The following ASXL1 variants were observed in gnomAD, a reference collection of about 807,000 sequenced individuals.
The protein encoded by ASXL1 is ASXL transcriptional regulator 1.
Under a neutral mutation model 89.1 loss-of-function variants are expected in ASXL1, and 65 were observed. The ratio of observed to expected loss-of-function variants is 0.73; its 90% CI spans 0.60 to 0.90. The LOEUF is 0.90. Ranked by LOEUF, ASXL1 falls within the 40% of genes least tolerant of loss-of-function variation. The pLI, the probability that ASXL1 is intolerant of heterozygous loss-of-function variation, is 0.00. For missense variants in ASXL1, 1,786 were observed against 1,942.9 expected, an observed-to-expected ratio of 0.92 and a Z score of 1.52; for synonymous variants, 739 against 746.9, an observed-to-expected ratio of 0.99 and a Z score of 0.17.
intron 4 of ASXL1, among the ~76,000 whole-genome samples, chr20:32,411,536 CTTT>C (rs749530241): frequency 0.028 from 3,431 of 123,816 alleles, 63 homozygotes; most frequent in Non-Finnish European, 0.043. Flanking sequence ...CCATGGATTC[CTTT>C]TTTTTTTTTT....
intron 4 of ASXL1, among the ~76,000 whole-genome samples, chr20:32,419,784 A>G (rs2049207743): frequency 1.3e-5 from 2 of 151,434 alleles, no homozygotes; most frequent in Middle Eastern, 6.8e-3. Context: ...CATTCAGGCA[A>G]TTCTCCTGCC....
At chr20:32,391,235 A>C (rs185517747) in intron 4 of ASXL1, among the ~76,000 whole-genome samples, 3 of 152,078 alleles carry the variant, frequency 2.0e-5, no homozygotes, top group Admixed American at 6.6e-5. Flanking sequence ...CATTGTATAG[A>C]TGTACCACAT....
intron 4 of ASXL1, among the ~76,000 whole-genome samples, chr20:32,383,271 C>T (rs540288429): frequency 1.3e-5 from 2 of 151,250 alleles, no homozygotes; most frequent in African/African-American, 4.8e-5. Flanking sequence ...AGTTTTTGTA[C>T]TCTCCATTAT....
chr20:32,374,124 C>G (rs1448886424), intron 4 of ASXL1, among the ~76,000 whole-genome samples: 1 of 151,988 alleles, frequency 6.6e-6, no homozygotes, highest in Non-Finnish European at 1.5e-5. Context: ...GCAATCCTTC[C>G]AGCTTCCCTA....
chr20:32,376,646 T>A (rs2048382847), intron 4 of ASXL1, among the ~76,000 whole-genome samples: 1 of 151,984 alleles, frequency 6.6e-6, no homozygotes, highest in Non-Finnish European at 1.5e-5. Flanking sequence ...TGAAATCTTT[T>A]GGCATTTTCT....
At chr20:32,405,229 C>T (rs1016004167) in intron 4 of ASXL1, among the ~76,000 whole-genome samples, 7 of 152,138 alleles carry the variant, frequency 4.6e-5, no homozygotes, top group Non-Finnish European at 8.8e-5. Flanking sequence ...CCTCCTGCCT[C>T]AGCCTCCTGA....
chr20:32,422,106 C>G (rs1222941220), intron 4 of ASXL1, among the ~76,000 whole-genome samples: 2 of 148,476 alleles, frequency 1.3e-5, no homozygotes, highest in African/African-American at 2.5e-5. Context: ...GTCTCGATCT[C>G]CTGACCTCGT....
intron 4 of ASXL1, among the ~76,000 whole-genome samples, chr20:32,395,498 C>T (rs1410003173): frequency 1.3e-5 from 2 of 152,014 alleles, no homozygotes; most frequent in Admixed American, 6.6e-5. Context: ...TTGTAGTTTG[C>T]GTCATATTTC....
rs2145388484 is a variant in ASXL1 at position 32,436,563 on chromosome 20, C to T, written c.3851C>T (p.Pro1284Leu). The T allele has an allele frequency of 6.2e-7, 1 of 1,614,190 alleles. No individual in the cohort carries two copies. ...FSSPNVISFG[P>L]EQTGRALGDQ... ...TCTCCAAATGTGATCTCCTTTGGTC[C>T]AGAGCAGACAGGTCGGGCCCTGGGT... The change falls in exon 13 of 13, where the codon CCA (proline) becomes CTA (leucine). Residue 1284 changes from proline (P) to leucine (L), a missense_variant. By Grantham distance (98) the Pro-to-Leu change is moderately conservative (BLOSUM62 -3). Around this residue, in one of 3 missense-constraint regions of ASXL1, gnomAD observed 1,418 missense variants for 1,427.8 expected, o/e 0.99. Transcript: ENST00000375687.
intron 4 of ASXL1, among the ~76,000 whole-genome samples, chr20:32,399,004 G>A (rs1296804775): frequency 2.0e-5 from 3 of 151,846 alleles, no homozygotes; most frequent in South Asian, 2.1e-4. Flanking sequence ...TTGGGAGGCC[G>A]AGTTGGCCCA....
At chr20:32,430,863 C>T (rs1379330755) in intron 8 of ASXL1, 1 of 392,008 alleles carries the variant, frequency 2.6e-6, no homozygotes, top group African/African-American at 2.0e-5. Flanking sequence ...TGGCTTTGAA[C>T]AGTCCTTAGT....
At position 32,434,791 on chromosome 20, in the gene ASXL1, A is replaced by AAC; in HGVS notation, c.2083_2084dup (p.Gln695HisfsTer9). On this transcript the variant is annotated frameshift_variant, in exon 13 of 13. Coordinates refer to ENST00000375687, the MANE Select transcript of ASXL1 (RefSeq NM_015338.6). LOFTEE classifies it low-confidence loss of function (END_TRUNC). ...GAAAGTGTACGTCAGATCTACAGCG[A>AAC]ACACAACTACTGCCGCCTTATCCTC... 6.2e-7 allele frequency: 1 copy of AAC among 1,613,932 alleles called. No homozygotes were observed. The highest frequency in any genetic ancestry group is 8.5e-7 in the Non-Finnish European group (1 of 1,180,024).
chr20:32,362,774 T>C (rs1379320359), intron 1 of ASXL1, among the ~76,000 whole-genome samples: 1 of 152,254 alleles, frequency 6.6e-6, no homozygotes, highest in Non-Finnish European at 1.5e-5. Context: ...AAATAGTCTT[T>C]CTTTCACACA....
intron 4 of ASXL1, among the ~76,000 whole-genome samples, chr20:32,383,558 C>T (rs568007773): frequency 4.6e-5 from 7 of 152,254 alleles, no homozygotes; most frequent in African/African-American, 1.4e-4. Context: ...CCTCCCGCCT[C>T]GGCCTCCCAC....
intron 4 of ASXL1, among the ~76,000 whole-genome samples, chr20:32,404,894 A>C (rs536304130): frequency 6.6e-6 from 1 of 152,270 alleles, no homozygotes; most frequent in South Asian, 2.1e-4. Flanking sequence ...ATAAATAATT[A>C]TGCTTTCTTT....
intron 11 of ASXL1, 118 bp downstream of exon 11, chr20:32,433,103 G>C: frequency 5.2e-6 from 8 of 1,544,662 alleles, no homozygotes; most frequent in Non-Finnish European, 7.0e-6. Flanking sequence ...AGTGACACTT[G>C]GGTCATTTAT....
intron 6 of ASXL1, chr20:32,428,649 ATTCTT>A: frequency 2.3e-5 from 4 of 176,802 alleles, no homozygotes; most frequent in South Asian, 1.6e-4. Flanking sequence ...GATTTTGTTC[ATTCTT>A]TTTTTTTTTT....
chr20:32,395,074 G>A (rs2123015954), intron 4 of ASXL1, among the ~76,000 whole-genome samples: 1 of 152,276 alleles, frequency 6.6e-6, no homozygotes. Context: ...CATTTCTGGT[G>A]TTCTTTATTG....
At chr20:32,421,243 A>G (rs995627395) in intron 4 of ASXL1, among the ~76,000 whole-genome samples, 2 of 151,914 alleles carry the variant, frequency 1.3e-5, no homozygotes, top group Non-Finnish European at 2.9e-5. Flanking sequence ...AATTTAAAAA[A>G]AAAAAAACTT....
Sources: gnomAD v4.1 joint callset for allele counts (sites outside exome capture counted in the v4.1 genomes callset) on GRCh38, gnomAD v4.1.1 for gene constraint, gnomAD v4.1.1 regional missense constraint, MANE v1.5 for transcripts, NCBI Gene and HGNC (gene_info 2026-07-23, HGNC 2026-07-21) for gene names.